The following QDPR variants were observed in gnomAD, a reference collection of about 807,000 sequenced individuals.
The protein encoded by QDPR is dihydropteridine reductase.
In QDPR, 23 loss-of-function variants were observed where a neutral mutation model predicts 31.7. The ratio of observed to expected loss-of-function variants is 0.73; its 90% CI spans 0.52 to 1.03. The LOEUF (loss-of-function observed/expected upper bound fraction) is 1.03, where lower values mean the gene tolerates loss of function less well. Among genes scored for constraint, QDPR ranks in the 50% least tolerant of loss-of-function variants. The pLI is 0.00. For missense variants in QDPR, 324 were observed against 323.8 expected, an observed-to-expected ratio of 1.00 and a Z score of 0.00; for synonymous variants, 124 against 124.7, an observed-to-expected ratio of 0.99 and a Z score of 0.03.
rs1231021957 is a variant in QDPR, at chr4:17,489,841, C to T, written c.629+821G>A. On this transcript the variant is annotated intron_variant, in intron 6 of 6. Transcript: ENST00000281243. ...AGAAGCACACTGCTAACTTCACAAA[C>T]ATCTCTTATAAACAGTCGTCAAAGC... Among the ~76,000 whole-genome samples the T allele has an allele frequency of 2.0e-5, 3 of 152,182 alleles. No individual in the cohort carries two copies. The South Asian group carries it at 6.2e-4, about 32-fold the overall frequency.
At chr4:17,511,867 T>A in intron 1 of QDPR, 83 bp downstream of exon 1, 1 of 1,427,780 alleles carries the variant, frequency 7.0e-7, no homozygotes, top group Non-Finnish European at 9.4e-7. Flanking sequence ...CCCACCTTCC[T>A]CTAGACTGCC....
rs2108999128 is a variant in QDPR at position 17,512,034 on chromosome 4, T to C, written c.21A>G (p.Ala7=). 1 of 1,603,558 alleles carries C rather than the reference T, an allele frequency of 6.2e-7. No individual in the cohort carries two copies. The highest frequency in any genetic ancestry group is 1.7e-4 in the Middle Eastern group (1 of 5,946). MAAAAA[A]GEARRVLVYG... is the part of the protein sequence containing the mutation. ...ACACCAGCACCCGGCGCGCCTCGCCTGCAGCCGCCGCCGCCGCCATCCTGC... is the reference window on the plus strand; with the variant it reads ...ACACCAGCACCCGGCGCGCCTCGCCCGCAGCCGCCGCCGCCGCCATCCTGC... The change falls in exon 1 of 7, where the codon GCA becomes GCG. Residue 7 remains alanine, a synonymous_variant. Transcript: ENST00000281243.
intron 4 of QDPR, 55 bp downstream of exon 4, chr4:17,501,664 C>T: frequency 5.6e-6 from 9 of 1,605,018 alleles, no homozygotes; most frequent in Non-Finnish European, 7.7e-6. Flanking sequence ...TGCCCAGCAG[C>T]CCCAGCAAGC....
chr4:17,511,815 G>T, intron 1 of QDPR, 135 bp downstream of exon 1: 1 of 829,520 alleles, frequency 1.2e-6, no homozygotes. Flanking sequence ...AGACCTGTGC[G>T]CGCACGTGCA....
chr4:17,490,290 T>C (rs744730), intron 6 of QDPR: 8,085 of 322,412 alleles, frequency 0.025, 612 homozygotes, highest in African/African-American at 0.16. Flanking sequence ...TGAGCACTTG[T>C]TATGGCCAGA....
rs1717973574 is a variant in QDPR at position 17,486,845 on chromosome 4, C to T, written c.*286G>A. On this transcript the variant is annotated 3_prime_UTR_variant, in exon 7 of 7. Coordinates refer to ENST00000281243, the MANE Select transcript of QDPR (RefSeq NM_000320.3). Reference sequence around the variant, plus strand: ...AAGGACAGATGAACAGTCACAAAAGCGATCCAACATGACACCGCTATAGCA... The same window carrying T: ...AAGGACAGATGAACAGTCACAAAAGTGATCCAACATGACACCGCTATAGCA... The T allele has an allele frequency of 9.2e-6, 4 of 435,706 alleles. No individual in the cohort carries two copies. The highest frequency in any genetic ancestry group is 1.7e-5 in the Non-Finnish European group (4 of 236,914). The allele number at this position is 435,706 out of a possible 1,614,324, so 27.0% of individuals were successfully genotyped here. A position where few individuals can be genotyped will look rare whatever the true frequency, so the allele number is the denominator to read the frequency against.
At chr4:17,495,258 A>G (rs1718311706) in intron 4 of QDPR, among the ~76,000 whole-genome samples, 2 of 152,146 alleles carry the variant, frequency 1.3e-5, no homozygotes, top group African/African-American at 4.8e-5. Flanking sequence ...TGCTGCCTGT[A>G]AAGCCAGAGC....
intron 4 of QDPR, among the ~76,000 whole-genome samples, chr4:17,495,649 A>C (rs1718323758): frequency 6.6e-6 from 1 of 152,222 alleles, no homozygotes; most frequent in African/African-American, 2.4e-5. Flanking sequence ...TGTAAGTTCC[A>C]CAGAGGCAGG....
intron 1 of QDPR, among the ~76,000 whole-genome samples, chr4:17,509,720 A>G (rs1158223441): frequency 6.7e-6 from 1 of 150,006 alleles, no homozygotes; most frequent in Non-Finnish European, 1.5e-5. Flanking sequence ...CCATTTAAAT[A>G]AAAGAAAAAG....
chr4:17,498,147 A>G (rs922731537), intron 4 of QDPR, among the ~76,000 whole-genome samples: 1 of 152,198 alleles, frequency 6.6e-6, no homozygotes, highest in African/African-American at 2.4e-5. Flanking sequence ...AGAGGTCATC[A>G]GGCTCCCTAA....
At chr4:17,502,302 G>A (rs1718599006) in intron 3 of QDPR, among the ~76,000 whole-genome samples, 1 of 152,158 alleles carries the variant, frequency 6.6e-6, no homozygotes, top group South Asian at 2.1e-4. Flanking sequence ...ATGTCTGAAA[G>A]TTTAATGTTA....
In QDPR at chr4:17,505,854, C is replaced by T. The variant is rs372109715; in HGVS notation, c.199-1379G>A. On this transcript the variant is annotated intron_variant, in intron 2 of 6. Transcript: ENST00000281243. ...GTATGGTGGAGAAGGTACTCCTCTT[C>T]CTTTGGTGGAGTAGTAGAAGAAGGA... Among the ~76,000 whole-genome samples the T allele has an allele frequency of 2.6e-4, 40 of 152,222 alleles. No individual in the cohort carries two copies. In the South Asian group the frequency reaches 3.9e-3, roughly 15 times the overall value.
intron 1 of QDPR, 39 bp downstream of exon 1, chr4:17,511,910 AC>A: frequency 6.4e-7 from 1 of 1,560,002 alleles, no homozygotes. Context: ...GCCCCCGGCC[AC>A]CCCCGCGGAG....
intron 3 of QDPR, among the ~76,000 whole-genome samples, chr4:17,502,805 G>C (rs1718618181): frequency 6.6e-6 from 1 of 152,192 alleles, no homozygotes; most frequent in Admixed American, 6.5e-5. Flanking sequence ...AAACCACTGG[G>C]TGAAAAGTAT....
At position 17,487,024 on chromosome 4, in the gene QDPR, T is replaced by C. The variant is rs936732192; in HGVS notation, c.*107A>G. The C allele has an allele frequency of 1.2e-6, 1 of 860,040 alleles. No individual in the cohort carries two copies. Among genetic ancestry groups the C allele is most frequent in the Non-Finnish European group, 2.0e-6 (1 of 505,396 alleles). The allele number at this position is 860,040 out of a possible 1,614,324, so 53.3% of individuals were successfully genotyped here. On this transcript the variant is annotated 3_prime_UTR_variant, in exon 7 of 7. Coordinates refer to ENST00000281243, the MANE Select transcript of QDPR (RefSeq NM_000320.3). The stretch of plus-strand genomic sequence containing the variant: ...TGTGAGAGAAAAATAGGACTCATTA[T>C]CTCGTACCACAAACAGGGGTTACAG...
At chr4:17,496,592 G>T (rs887020263) in intron 4 of QDPR, among the ~76,000 whole-genome samples, 11 of 150,730 alleles carry the variant, frequency 7.3e-5, no homozygotes, top group African/African-American at 2.7e-4. Flanking sequence ...GAAGTGAAAA[G>T]AATAAGGCAT....
chr4:17,509,678 T>C (rs1441634522), intron 1 of QDPR, among the ~76,000 whole-genome samples: 3 of 151,966 alleles, frequency 2.0e-5, no homozygotes, highest in South Asian at 2.1e-4. Context: ...ACCACTGTAC[T>C]CCGGGCTAGG....
intron 2 of QDPR, among the ~76,000 whole-genome samples, chr4:17,504,875 A>C (rs1490959113): frequency 6.6e-6 from 1 of 152,244 alleles, no homozygotes; most frequent in East Asian, 1.9e-4. Context: ...TCACAGAATT[A>C]TAATCCAAAA....
intron 4 of QDPR, among the ~76,000 whole-genome samples, chr4:17,500,952 T>G (rs1718540825): frequency 6.6e-6 from 1 of 152,198 alleles, no homozygotes; most frequent in Non-Finnish European, 1.5e-5. Context: ...AAAGAGTGAC[T>G]ATAAGACCTA....
Sources: gnomAD v4.1 joint callset for allele counts (sites outside exome capture counted in the v4.1 genomes callset) on GRCh38, gnomAD v4.1.1 for gene constraint, MANE v1.5 for transcripts, NCBI Gene and HGNC (gene_info 2026-07-23, HGNC 2026-07-21) for gene names.